The following VPS8 variants were observed in gnomAD, a reference collection of about 807,000 sequenced individuals.
VPS8 encodes VPS8 subunit of CORVET complex.
VPS8 carries 129 observed loss-of-function variants against 216.4 expected under a neutral mutation model. The ratio of observed to expected loss-of-function variants is 0.60; its 90% CI spans 0.52 to 0.69. VPS8 has a LOEUF of 0.69. Ranked by LOEUF, VPS8 falls within the 30% of genes least tolerant of loss-of-function variation. VPS8 has a pLI of 0.00. For synonymous variants in VPS8, 571 were observed against 565.4 expected, an observed-to-expected ratio of 1.01 and a Z score of -0.14; for missense variants, 1,531 against 1,683.5, an observed-to-expected ratio of 0.91 and a Z score of 1.59.
intron 15 of VPS8, among the ~76,000 whole-genome samples, chr3:184,861,324 CATTTTTCTAATAAA>C (rs1468449566): frequency 6.6e-6 from 1 of 152,164 alleles, no homozygotes; most frequent in African/African-American, 2.4e-5. Context: ...GGCAATGCCT[CATTTTTCTAATAAA>C]AAGAATGAAA....
chr3:184,964,381 CAT>C (rs1714733332), intron 37 of VPS8, 85 bp from the exon 38 acceptor site: 1 of 704,182 alleles, frequency 1.4e-6, no homozygotes, highest in Admixed American at 3.6e-5. Flanking sequence ...CATTATTTAT[CAT>C]ATGAGTTTTT....
chr3:185,044,868 A>G (rs1455199869), intron 46 of VPS8, among the ~76,000 whole-genome samples: 1 of 152,228 alleles, frequency 6.6e-6, no homozygotes, highest in Non-Finnish European at 1.5e-5. Flanking sequence ...ATGAAGAGTC[A>G]GGTTCAATCT....
intron 16 of VPS8, among the ~76,000 whole-genome samples, chr3:184,865,271 GACAC>G (rs368937110): frequency 1.1e-3 from 174 of 152,236 alleles, no homozygotes; most frequent in African/African-American, 4.0e-3. Flanking sequence ...TAAAACTGTA[GACAC>G]ACACATTTAA....
chr3:184,965,933 T>C (rs1037749797), intron 38 of VPS8, among the ~76,000 whole-genome samples: 3 of 152,214 alleles, frequency 2.0e-5, no homozygotes, highest in Non-Finnish European at 2.9e-5. Flanking sequence ...GATTTTAGCT[T>C]ATAAGCTTTT....
chr3:184,885,090 A>G (rs1190445877), intron 21 of VPS8, among the ~76,000 whole-genome samples: 2 of 152,216 alleles, frequency 1.3e-5, no homozygotes, highest in African/African-American at 4.8e-5. Flanking sequence ...AGGAAGCAGG[A>G]TGGATCAGGG....
chr3:184,976,551 A>G (rs1280955920), intron 40 of VPS8, among the ~76,000 whole-genome samples: 2 of 152,064 alleles, frequency 1.3e-5, no homozygotes, highest in East Asian at 1.9e-4. Context: ...TGGAGTATGA[A>G]TGAATAATCT....
At chr3:184,922,566 A>C in intron 29 of VPS8, 1 of 350,300 alleles carries the variant, frequency 2.9e-6, no homozygotes, top group Admixed American at 3.5e-5. Context: ...CTCCGTAAGT[A>C]TTTGACTATT....
At chr3:184,915,109 T>G (rs902093305) in intron 27 of VPS8, 56 bp downstream of exon 27, 8 of 1,577,722 alleles carry the variant, frequency 5.1e-6, no homozygotes, top group Non-Finnish European at 7.0e-6. Context: ...TAAGACGCAC[T>G]GAAGACAAAT....
At chr3:185,041,400 G>A (rs1711587907) in intron 46 of VPS8, among the ~76,000 whole-genome samples, 1 of 152,022 alleles carries the variant, frequency 6.6e-6, no homozygotes, top group Non-Finnish European at 1.5e-5. Flanking sequence ...TTATTATGGG[G>A]CTGTGTGTGA....
rs74752749 is a variant in VPS8, at chr3:184,964,375, A to G, written c.3184-93A>G. 6.0e-3 allele frequency: 3,971 copies of G among 665,620 alleles called. 134 individuals are homozygous for G. In the African/African-American group the frequency reaches 0.066, roughly 11 times the overall value. The allele number at this position is 665,620 out of a possible 1,614,324, so 41.2% of individuals were successfully genotyped here. ...CATACTAATAAGGTATAAATTCATT[A>G]TTTATCATATGAGTTTTTTCATCCT... On this transcript the variant is annotated intron_variant, in intron 37 of 47. Coordinates refer to ENST00000625842, the MANE Select transcript of VPS8 (RefSeq NM_001009921.3).
chr3:184,836,462 T>C (rs1275296549), intron 5 of VPS8: 2 of 355,356 alleles, frequency 5.6e-6, no homozygotes, highest in African/African-American at 4.3e-5. Flanking sequence ...AATGATTAGA[T>C]AAATCTGTTA....
chr3:184,936,218 A>T (rs1389963586), intron 34 of VPS8, 28 bp from the exon 35 acceptor site: 11 of 1,580,516 alleles, frequency 7.0e-6, no homozygotes, highest in Non-Finnish European at 9.5e-6. Context: ...GCCATTAGAG[A>T]TGGCTTTGTC....
At chr3:184,997,697 A>C (rs1475202978) in intron 44 of VPS8, among the ~76,000 whole-genome samples, 1 of 152,210 alleles carries the variant, frequency 6.6e-6, no homozygotes, top group African/African-American at 2.4e-5. Context: ...TGGGGGAAAA[A>C]ATGTTAAAGG....
At chr3:184,907,121 A>G (rs1017360630) in intron 25 of VPS8, among the ~76,000 whole-genome samples, 3 of 152,296 alleles carry the variant, frequency 2.0e-5, no homozygotes, top group Non-Finnish European at 2.9e-5. Flanking sequence ...ACATCGATCA[A>G]TACGTTTAAG....
chr3:184,953,935 A>C (rs1458639675), intron 36 of VPS8, among the ~76,000 whole-genome samples: 1 of 152,116 alleles, frequency 6.6e-6, no homozygotes, highest in Non-Finnish European at 1.5e-5. Flanking sequence ...TTCTCTTCCC[A>C]CAGGCTTAGT....
chr3:184,860,867 G>A (rs571007498), intron 15 of VPS8, among the ~76,000 whole-genome samples: 7 of 151,388 alleles, frequency 4.6e-5, no homozygotes, highest in Non-Finnish European at 1.0e-4. Context: ...TGTAGCCCAG[G>A]CTGGAGTGCA....
chr3:184,917,348 G>A (rs988579700), intron 28 of VPS8, among the ~76,000 whole-genome samples: 1 of 152,164 alleles, frequency 6.6e-6, no homozygotes, highest in Admixed American at 6.5e-5. Context: ...AATCCAGAGA[G>A]GTAGGCAGAT....
chr3:184,948,788 T>C (rs1744141797), intron 36 of VPS8, among the ~76,000 whole-genome samples: 1 of 152,196 alleles, frequency 6.6e-6, no homozygotes, highest in Non-Finnish European at 1.5e-5. Context: ...CCTTAGTTTC[T>C]TAAAGTAGTC....
chr3:184,996,268 TCTC>T, intron 43 of VPS8, 61 bp from the exon 44 acceptor site: 2 of 1,477,480 alleles, frequency 1.4e-6, no homozygotes, highest in Non-Finnish European at 1.8e-6. Context: ...TCACCATTCA[TCTC>T]CTCTATCTCT....
Sources: allele counts gnomAD v4.1 joint callset (sites outside exome capture counted in the v4.1 genomes callset), GRCh38; gene constraint gnomAD v4.1.1; transcripts MANE v1.5; gene names NCBI Gene and HGNC (gene_info 2026-07-23, HGNC 2026-07-21).